PCDHA12: variants seen among roughly 807,000 people sequenced by gnomAD.
PCDHA12 encodes protocadherin alpha 12.
Under a neutral mutation model 60.0 loss-of-function variants are expected in PCDHA12, and 44 were observed. The ratio of observed to expected loss-of-function variants is 0.73; its 90% CI spans 0.58 to 0.94. The LOEUF is 0.94. Ranked by LOEUF, PCDHA12 falls within the 40% of genes least tolerant of loss-of-function variation. PCDHA12 has a pLI of 0.00. For synonymous variants in PCDHA12, 569 were observed against 553.0 expected (o/e 1.03, Z -0.40); for missense variants, 1,276 against 1,239.7 (o/e 1.03, Z -0.44).
intron 1 of PCDHA12, among the ~76,000 whole-genome samples, chr5:140,918,586 G>A (rs2078766446): frequency 6.6e-6 from 1 of 152,188 alleles, no homozygotes; most frequent in South Asian, 2.1e-4. Context: ...TTGGCTATAT[G>A]TTCTATAGAT....
At chr5:140,883,038 A>G (rs782789489) in intron 1 of PCDHA12, 3 of 1,614,160 alleles carry the variant, frequency 1.9e-6, no homozygotes, top group East Asian at 2.2e-5. Context: ...AACGCCTTCA[A>G]TGGAACATTA....
intron 1 of PCDHA12, among the ~76,000 whole-genome samples, chr5:140,975,280 T>G (rs914764307): frequency 5.3e-5 from 8 of 152,252 alleles, no homozygotes; most frequent in Admixed American, 3.9e-4. Context: ...CTCTGACCTC[T>G]AGACCCAGAT....
chr5:140,990,172 TGA>T (rs1341832599), intron 3 of PCDHA12, among the ~76,000 whole-genome samples: 1 of 152,022 alleles, frequency 6.6e-6, no homozygotes, highest in Non-Finnish European at 1.5e-5. Context: ...TATGAAAAGG[TGA>T]CTTTTAAGAA....
chr5:140,920,804 A>G (rs2079833395), intron 1 of PCDHA12, among the ~76,000 whole-genome samples: 1 of 151,364 alleles, frequency 6.6e-6, no homozygotes, highest in South Asian at 2.1e-4. Context: ...AGATCACGCC[A>G]CTGCACTCCA....
chr5:140,884,839 G>A lies in PCDHA12; in HGVS notation c.2367+7000G>A, dbSNP rs180730260. Reference sequence around the variant, plus strand: ...ACATTATGTGTTGGATTATCCTTCAGAGTGAAATCTTAACTCACAAACCAT... The same window carrying A: ...ACATTATGTGTTGGATTATCCTTCAAAGTGAAATCTTAACTCACAAACCAT... On this transcript the variant is annotated intron_variant, in intron 1 of 3. Coordinates refer to ENST00000398631, the MANE Select transcript of PCDHA12 (RefSeq NM_018903.4). 2.5e-3 allele frequency: 2,207 copies of A among 893,274 alleles called. 7 individuals are homozygous for A. Among genetic ancestry groups the A allele is most frequent in the Middle Eastern group, 9.3e-3 (26 of 2,802 alleles). 55.3% of individuals were successfully genotyped at this position (893,274 alleles called of 1,614,324 possible). A position where few individuals can be genotyped will look rare whatever the true frequency, so the allele number is the denominator to read the frequency against.
At chr5:140,987,592 G>T (rs150671243) in intron 3 of PCDHA12, among the ~76,000 whole-genome samples, 2 of 152,172 alleles carry the variant, frequency 1.3e-5, no homozygotes, top group African/African-American at 4.8e-5. Flanking sequence ...GAGAATAGTG[G>T]TGTCTACCTT....
At chr5:140,935,374 T>A (rs2090335210) in intron 1 of PCDHA12, among the ~76,000 whole-genome samples, 1 of 152,248 alleles carries the variant, frequency 6.6e-6, no homozygotes. Flanking sequence ...GTCAACAGAA[T>A]TACTCATTTG....
chr5:141,006,750 G>A (rs1233243147), intron 3 of PCDHA12, among the ~76,000 whole-genome samples: 1 of 152,122 alleles, frequency 6.6e-6, no homozygotes, highest in African/African-American at 2.4e-5. Flanking sequence ...TATTATAAAT[G>A]GAGAATGAAG....
chr5:140,994,412 G>C (rs1412198813), intron 3 of PCDHA12, among the ~76,000 whole-genome samples: 1 of 152,068 alleles, frequency 6.6e-6, no homozygotes, highest in Non-Finnish European at 1.5e-5. Flanking sequence ...ATTTAATACT[G>C]GATATTGAGG....
chr5:140,967,192 C>T (rs2096111456), intron 1 of PCDHA12: 1 of 1,613,408 alleles, frequency 6.2e-7, no homozygotes, highest in South Asian at 1.1e-5. Context: ...TGGACATCAA[C>T]GACAACTCAC....
At chr5:140,965,876 C>T (rs1416182822) in intron 1 of PCDHA12, among the ~76,000 whole-genome samples, 1 of 152,152 alleles carries the variant, frequency 6.6e-6, no homozygotes, top group African/African-American at 2.4e-5. Flanking sequence ...GCCACTTGGC[C>T]GAGAGCAGAA....
At chr5:140,882,567 C>T (rs1554174625) in intron 1 of PCDHA12, 12 of 1,614,092 alleles carry the variant, frequency 7.4e-6, no homozygotes, top group East Asian at 2.2e-5. Context: ...GGGCGGAGCG[C>T]GGAGTGCAGC....
chr5:140,920,703 G>A (rs1435351032), intron 1 of PCDHA12, among the ~76,000 whole-genome samples: 1 of 152,060 alleles, frequency 6.6e-6, no homozygotes, highest in Non-Finnish European at 1.5e-5. Context: ...CATTAGCTTG[G>A]CATGGTGGTG....
intron 1 of PCDHA12, among the ~76,000 whole-genome samples, chr5:140,893,161 G>A (rs2063850346): frequency 6.6e-6 from 1 of 152,160 alleles, no homozygotes; most frequent in African/African-American, 2.4e-5. Context: ...TGGATATTGA[G>A]GTTGATTCCA....
Position 140,876,739 on chromosome 5 carries a change from C to T in PCDHA12, c.1267C>T (p.Leu423=), listed in dbSNP as rs782400807. The T allele has an allele frequency of 7.4e-6, 12 of 1,614,126 alleles. No homozygotes were observed. The South Asian group carries it at 1.1e-4, about 15-fold the overall frequency. ...CCGCGAGAGCGTGTCGGCCTATGAG[C>T]TGGTGGTGACTGCGCGGGATGGGGG... The part of the protein sequence containing the change: ...LDRESVSAYE[L]VVTARDGGSP... Residue 423 remains leucine, a synonymous_variant, in exon 1 of 4, where the codon CTG becomes TTG. Coordinates refer to ENST00000398631, the MANE Select transcript of PCDHA12 (RefSeq NM_018903.4).
chr5:140,960,612 G>C (rs1467595478), intron 1 of PCDHA12, among the ~76,000 whole-genome samples: 1 of 152,110 alleles, frequency 6.6e-6, no homozygotes, highest in Non-Finnish European at 1.5e-5. Context: ...ACAATATCTA[G>C]TGTGTTTTTG....
At chr5:140,901,278 A>AT (rs1554189713) in intron 1 of PCDHA12, among the ~76,000 whole-genome samples, 2 of 152,102 alleles carry the variant, frequency 1.3e-5, no homozygotes, top group Non-Finnish European at 2.9e-5. Context: ...TACTCAAGAA[A>AT]TTTTTGCCCA....
chr5:140,964,138 C>T (rs529852998), intron 1 of PCDHA12, among the ~76,000 whole-genome samples: 1 of 152,300 alleles, frequency 6.6e-6, no homozygotes, highest in Admixed American at 6.5e-5. Flanking sequence ...GTAAGGTTGG[C>T]AGGAGCCTCA....
At chr5:140,900,546 G>A (rs1430203463) in intron 1 of PCDHA12, among the ~76,000 whole-genome samples, 3 of 152,162 alleles carry the variant, frequency 2.0e-5, no homozygotes, top group East Asian at 1.9e-4. Context: ...CAAAGTGCTG[G>A]GATTACAGGC....
Sources: allele counts gnomAD v4.1 joint callset (sites outside exome capture counted in the v4.1 genomes callset), GRCh38; gene constraint gnomAD v4.1.1; transcripts MANE v1.5; gene names NCBI Gene and HGNC (gene_info 2026-07-23, HGNC 2026-07-21).